SPRY4: variants seen among roughly 807,000 people sequenced by gnomAD.
The protein encoded by SPRY4 is protein sprouty homolog 4.
Under a neutral mutation model 17.0 loss-of-function variants are expected in SPRY4, and 7 were observed. The ratio of observed to expected loss-of-function variants is 0.41; its 90% CI spans 0.23 to 0.77. The LOEUF (loss-of-function observed/expected upper bound fraction) is 0.77, where lower values mean the gene tolerates loss of function less well. Ranked by LOEUF, SPRY4 falls within the 30% of genes least tolerant of loss-of-function variation. The probability of loss-of-function intolerance (pLI) is 0.32; values close to 1 mark genes in which losing one functional copy is unlikely to be tolerated. For synonymous variants in SPRY4, 183 were observed against 174.1 expected, an observed-to-expected ratio of 1.05 and a Z score of -0.40; for missense variants, 435 against 419.9, an observed-to-expected ratio of 1.04 and a Z score of -0.31.
chr5:142,316,232 A>G (rs1045000683), intron 1 of SPRY4, among the ~76,000 whole-genome samples: 9 of 152,082 alleles, frequency 5.9e-5, no homozygotes, highest in Admixed American at 5.2e-4. Flanking sequence ...TTTAAGTTGG[A>G]ATCCAGCCAG....
intron 1 of SPRY4, among the ~76,000 whole-genome samples, chr5:142,323,450 C>G (rs1759419149): frequency 6.6e-6 from 1 of 152,232 alleles, no homozygotes; most frequent in African/African-American, 2.4e-5. Flanking sequence ...ACTAACCGCG[C>G]TGGGGGGTAC....
Position 142,311,737 on chromosome 5 carries a change from C to T in SPRY4, c.*2472G>A, listed in dbSNP as rs1410161691. 2 of 152,306 alleles carry T rather than the reference C, an allele frequency of 1.3e-5. No homozygotes were observed. Among genetic ancestry groups the T allele is most frequent in the African/African-American group, 4.8e-5 (2 of 41,370 alleles). The allele number at this position is 152,306 out of a possible 1,614,324, so 9.4% of individuals were successfully genotyped here. The stretch of plus-strand genomic sequence containing the variant: ...CACTGAGGTGGACTCTTAGAGAGCA[C>T]TCTGCAGACATCCATCAAGCAGGTT... On this transcript the variant is annotated 3_prime_UTR_variant, in exon 2 of 2. Transcript: ENST00000434127.
rs1245571389 is a variant in SPRY4, at chr5:142,313,114, C to T, written c.*1095G>A. On this transcript the variant is annotated 3_prime_UTR_variant, in exon 2 of 2. Coordinates refer to ENST00000434127, the MANE Select transcript of SPRY4 (RefSeq NM_001127496.3). ...ATTCTGCCAATGGGAGGTGCTGCCT[C>T]TCTTCTTTGCTGTTAAAATCCTCTT... is the stretch of plus-strand genomic sequence containing the variant. 1 of 152,566 alleles carries T rather than the reference C, an allele frequency of 6.6e-6. No homozygotes were observed. Among genetic ancestry groups the T allele is most frequent in the South Asian group, 2.1e-4 (1 of 4,826 alleles). 9.5% of individuals were successfully genotyped at this position (152,566 alleles called of 1,614,324 possible).
At chr5:142,317,451 G>C in intron 1 of SPRY4, 1 of 985,374 alleles carries the variant, frequency 1.0e-6, no homozygotes, top group Non-Finnish European at 1.2e-6. Flanking sequence ...TGAGTCCCTT[G>C]TTCCAGAAAC....
intron 1 of SPRY4, chr5:142,324,204 A>C (rs1033400452): frequency 6.6e-6 from 1 of 152,388 alleles, no homozygotes; most frequent in Admixed American, 6.5e-5. Flanking sequence ...AGCAAAGGTC[A>C]GACGGCGAGG....
At chr5:142,323,411 GCACCCCACTGTA>G (rs1326358522) in intron 1 of SPRY4, among the ~76,000 whole-genome samples, 1 of 152,234 alleles carries the variant, frequency 6.6e-6, no homozygotes, top group Non-Finnish European at 1.5e-5. Context: ...CTAGGTTTGG[GCACCCCACTGTA>G]CACTCTTCTT....
chr5:142,314,412 CGCA>C lies in SPRY4; in HGVS notation c.694_696del (p.Cys232del). 1 of 1,613,850 alleles carries C rather than the reference CGCA, an allele frequency of 6.2e-7. No individual in the cohort carries two copies. Among genetic ancestry groups the C allele is most frequent in the Non-Finnish European group, 8.5e-7 (1 of 1,179,872 alleles). On this transcript the variant is annotated inframe_deletion, in exon 2 of 2. Coordinates refer to ENST00000434127, the MANE Select transcript of SPRY4 (RefSeq NM_001127496.3). The surrounding 1 kb of genome is among the most constrained non-coding windows in gnomAD (Gnocchi z 4.8). The stretch of plus-strand genomic sequence containing the variant: ...AGAGCACCCATGAAGGACCAGCGGG[CGCA>C]GCAGTTGGAGCGGGAGCAGGAGCAG...
At chr5:142,321,118 G>A (rs1759332062) in intron 1 of SPRY4, among the ~76,000 whole-genome samples, 1 of 152,198 alleles carries the variant, frequency 6.6e-6, no homozygotes, top group Admixed American at 6.5e-5. Flanking sequence ...GATCTGCAGG[G>A]TGGCCCCAGA....
At position 142,314,055 on chromosome 5, in the gene SPRY4, T is replaced by C; in HGVS notation, c.*154A>G. ...TTGGGGAATACAGGGTACGTGGTGGTGGTCTCTGTATTTTCCGAAGCTGGG... is the reference window on the plus strand; with the variant it reads ...TTGGGGAATACAGGGTACGTGGTGGCGGTCTCTGTATTTTCCGAAGCTGGG... On this transcript the variant is annotated 3_prime_UTR_variant, in exon 2 of 2. Transcript: ENST00000434127. This position sits in a 1 kb window ranked among gnomAD's most constrained non-coding sequence, Gnocchi z 4.8. 1 of 742,170 alleles carries C rather than the reference T, an allele frequency of 1.3e-6. No homozygotes were observed. Among genetic ancestry groups the C allele is most frequent in the Non-Finnish European group, 2.1e-6 (1 of 467,194 alleles). 46.0% of individuals were successfully genotyped at this position (742,170 alleles called of 1,614,324 possible).
In SPRY4 at chr5:142,314,901, C is replaced by G. The variant is rs1379051928; in HGVS notation, c.208G>C (p.Gly70Arg). The part of the protein sequence containing the change: ...LTTGPKRTRG[G>R]APELAPTPAR... ...GGCGTCGGGGCCAGCTCTGGGGCCC[C>G]GCCCCGGGTCCGCTTTGGGCCGGTG... The change falls in exon 2 of 2, where the codon GGG (glycine) becomes CGG (arginine). Residue 70 changes from glycine (G) to arginine (R), a missense_variant. Transcript: ENST00000434127. This position sits in a 1 kb window ranked among gnomAD's most constrained non-coding sequence, Gnocchi z 4.8. 6.2e-7 allele frequency: 1 copy of G among 1,607,080 alleles called. No homozygotes were observed. The highest frequency in any genetic ancestry group is 8.5e-7 in the Non-Finnish European group (1 of 1,175,100).
At chr5:142,323,762 G>C (rs1264192664) in intron 1 of SPRY4, 1 of 152,310 alleles carries the variant, frequency 6.6e-6, no homozygotes, top group Non-Finnish European at 1.5e-5. Flanking sequence ...TCTGCATGGA[G>C]GGGGAACTGG....
intron 1 of SPRY4, among the ~76,000 whole-genome samples, chr5:142,319,072 G>C (rs1424287334): frequency 6.6e-6 from 1 of 152,158 alleles, no homozygotes; most frequent in African/African-American, 2.4e-5. Flanking sequence ...CAAGACAGCA[G>C]AGGCTTCAGA....
In SPRY4 at chr5:142,314,212, G is replaced by GA. The variant is rs745342448; in HGVS notation, c.896dup (p.Ter300LeufsTer21). On this transcript the variant is annotated frameshift_variant, in exon 2 of 2. Coordinates refer to ENST00000434127, the MANE Select transcript of SPRY4 (RefSeq NM_001127496.3). LOFTEE classifies it high-confidence loss of function. This position sits in a 1 kb window ranked among gnomAD's most constrained non-coding sequence, Gnocchi z 4.8. ...ACTGGGGCTTCGACACAAACTGTCAGAAAGGCTTGTCGGGCCTGCTGGTCT... is the reference window on the plus strand; with the variant it reads ...ACTGGGGCTTCGACACAAACTGTCAGAAAAGGCTTGTCGGGCCTGCTGGTCT... 10 of 1,605,398 alleles carry GA rather than the reference G, an allele frequency of 6.2e-6. No homozygotes were observed. Among genetic ancestry groups the GA allele is most frequent in the Non-Finnish European group, 8.5e-6 (10 of 1,176,450 alleles).
At chr5:142,322,486 A>ATATATATG (rs1554100331) in intron 1 of SPRY4, among the ~76,000 whole-genome samples, 4,273 of 132,834 alleles carry the variant, frequency 0.032, 194 homozygotes, top group Admixed American at 0.12. Flanking sequence ...AAAAAAAAAT[A>ATATATATG]TATATATATA....
At chr5:142,322,506 G>A (rs1400687074) in intron 1 of SPRY4, among the ~76,000 whole-genome samples, 3 of 144,344 alleles carry the variant, frequency 2.1e-5, no homozygotes, top group South Asian at 2.2e-4. Flanking sequence ...ATATATAAAT[G>A]AAAACGACAT....
intron 1 of SPRY4, among the ~76,000 whole-genome samples, chr5:142,323,064 A>T (rs890253414): frequency 3.2e-4 from 49 of 152,170 alleles, no homozygotes; most frequent in African/African-American, 1.1e-3. Context: ...AAAAGGCTGA[A>T]AATTTCAGAG....
intron 1 of SPRY4, chr5:142,317,253 A>G (rs1554099899): frequency 1.0e-6 from 1 of 985,348 alleles, no homozygotes; most frequent in Non-Finnish European, 1.2e-6. Flanking sequence ...CTTATTCTCA[A>G]TAGGTGTTCC....
At chr5:142,322,024 A>C (rs576570151) in intron 1 of SPRY4, among the ~76,000 whole-genome samples, 1 of 152,064 alleles carries the variant, frequency 6.6e-6, no homozygotes, top group African/African-American at 2.4e-5. Flanking sequence ...CTGATTTTCA[A>C]ATTTGGCACT....
chr5:142,316,161 A>G (rs1311837707), intron 1 of SPRY4, among the ~76,000 whole-genome samples: 1 of 152,088 alleles, frequency 6.6e-6, no homozygotes, highest in Non-Finnish European at 1.5e-5. Flanking sequence ...CCTAAATGCT[A>G]TTTACTAGAG....
Sources: gnomAD v4.1 joint callset for allele counts (sites outside exome capture counted in the v4.1 genomes callset) on GRCh38, gnomAD v4.1.1 for gene constraint, Gnocchi (gnomAD v3.1) non-coding constraint, MANE v1.5 for transcripts, NCBI Gene and HGNC (gene_info 2026-07-23, HGNC 2026-07-21) for gene names.